RNASEH1: variants seen among roughly 807,000 people sequenced by gnomAD.
RNASEH1 encodes the protein ribonuclease H1, also known as ribonuclease H type II.
In RNASEH1, 27 loss-of-function variants were observed where a neutral mutation model predicts 34.6. The observed-to-expected ratio is 0.78, with a 90% CI of 0.58 to 1.08. RNASEH1 has a LOEUF of 1.08. RNASEH1 is among the 50% of genes least tolerant of loss of function. The pLI is 0.00. For missense variants in RNASEH1, 349 were observed against 373.6 expected (o/e 0.93, Z 0.54); for synonymous variants, 162 against 138.4 (o/e 1.17, Z -1.20).
chr2:3,557,027 G>A, intron 1 of RNASEH1, 123 bp from the exon 2 acceptor site: 3 of 692,140 alleles, frequency 4.3e-6, no homozygotes. Flanking sequence ...ATTCCAGGAA[G>A]TCCTCCACCC....
At position 3,544,559 on chromosome 2, in the gene RNASEH1, G is replaced by C. The variant is rs1341077377; in HGVS notation, c.*1226C>G. The stretch of plus-strand genomic sequence containing the variant: ...TCAGGATTACTTGTTGGGGCAAGGA[G>C]GGGGAGAAGAAGAGGGCTGTGGCTG... On this transcript the variant is annotated 3_prime_UTR_variant, in exon 8 of 8. Coordinates refer to ENST00000315212, the MANE Select transcript of RNASEH1 (RefSeq NM_002936.6). Among the ~76,000 whole-genome samples, 1 of 152,192 alleles carries C rather than the reference G, an allele frequency of 6.6e-6. No individual in the cohort carries two copies. Among genetic ancestry groups the C allele is most frequent in the African/African-American group, 2.4e-5 (1 of 41,448 alleles).
the RNASEH1 span, among the ~76,000 whole-genome samples, chr2:3,534,837 A>C: frequency 6.6e-6 from 1 of 152,222 alleles, no homozygotes; most frequent in South Asian, 2.1e-4. Flanking sequence ...GAAGGAAGGG[A>C]ATTCTCACAC....
intron 3 of RNASEH1, among the ~76,000 whole-genome samples, chr2:3,551,093 T>C (rs1341525803): frequency 6.6e-6 from 1 of 152,216 alleles, no homozygotes; most frequent in Non-Finnish European, 1.5e-5. Context: ...AGAGGTCAGG[T>C]TGCACAGTGT....
Position 3,556,800 on chromosome 2 carries a change from T to G in RNASEH1, c.233A>C (p.Glu78Ala), listed in dbSNP as rs1660548409. The change falls in exon 2 of 8, where the codon GAA becomes GCA. Residue 78 changes from glutamate (E) to alanine (A), a missense_variant. Coordinates refer to ENST00000315212, the MANE Select transcript of RNASEH1 (RefSeq NM_002936.6). ...TGAGAGGTGACTACCTTCTGAAACT[T>G]CCGGGCTTGCAGATTTCCTGACAAA... is the stretch of plus-strand genomic sequence containing the variant. ...WAFVRKSASPEVSEGHENQHG... is the reference protein window; with the variant it reads ...WAFVRKSASPAVSEGHENQHG... 1 of 1,612,758 alleles carries G rather than the reference T, an allele frequency of 6.2e-7. No homozygotes were observed. The highest frequency in any genetic ancestry group is 2.2e-5 in the East Asian group (1 of 44,882).
chr2:3,552,023 C>T (rs1364732101), intron 3 of RNASEH1, 121 bp downstream of exon 3: 41 of 730,602 alleles, frequency 5.6e-5, no homozygotes, highest in Non-Finnish European at 5.6e-5. Context: ...ATAATCTTTA[C>T]ACATAAGAAT....
chr2:3,538,352 C>CA (rs1309829501), downstream of RNASEH1, among the ~76,000 whole-genome samples: 1 of 150,926 alleles, frequency 6.6e-6, no homozygotes, highest in African/African-American at 2.4e-5. Flanking sequence ...AACTCCATCT[C>CA]AAAAAAATAT....
At chr2:3,537,838 G>A (rs571984251), downstream of RNASEH1, among the ~76,000 whole-genome samples, 7 of 151,902 alleles carry the variant, frequency 4.6e-5, no homozygotes, top group South Asian at 4.2e-4. Context: ...AGGAGTTCGC[G>A]ACCAGCTTGA....
At chr2:3,535,166 C>T in the RNASEH1 span, among the ~76,000 whole-genome samples, 1 of 152,070 alleles carries the variant, frequency 6.6e-6, no homozygotes, top group East Asian at 1.9e-4. Context: ...ACCTGTAAGC[C>T]CAGCACTTGG....
chr2:3,551,400 C>G (rs988970705), intron 3 of RNASEH1, among the ~76,000 whole-genome samples: 2 of 152,196 alleles, frequency 1.3e-5, no homozygotes, highest in African/African-American at 4.8e-5. Context: ...CAGCAATGGT[C>G]AGTGTCTGGA....
In RNASEH1 at chr2:3,558,312, C is replaced by T. The variant is rs749209439; in HGVS notation, c.-52G>A. The T allele has an allele frequency of 1.1e-5, 16 of 1,474,530 alleles. No individual in the cohort carries two copies. The South Asian group carries it at 2.0e-4, about 19-fold the overall frequency. The allele number at this position is 1,474,530 out of a possible 1,614,324, so 91.3% of individuals were successfully genotyped here. A position where few individuals can be genotyped will look rare whatever the true frequency, so the allele number is the denominator to read the frequency against. ...TTCGACTCCCGGCCCAGCGTGGGCG[C>T]GAGCCGCCGGCGCTCAACACCGCAC... On this transcript the variant is annotated 5_prime_UTR_variant, in exon 1 of 8. Coordinates refer to ENST00000315212, the MANE Select transcript of RNASEH1 (RefSeq NM_002936.6).
In RNASEH1 at chr2:3,549,076, G is replaced by A. The variant is rs1188991141; in HGVS notation, c.546C>T (p.Asn182=). ...VGIRLPGRQT[N]QRAEIHAACK... ...AACTTACATGAATTTCCGCTCTTTG[G>A]TTTGTCTGCCGCCCAGGAAGTCTAA... The change falls in exon 5 of 8, where the codon AAC becomes AAT. Residue 182 remains asparagine (N), a synonymous_variant. Transcript: ENST00000315212. 9 of 1,613,590 alleles carry A rather than the reference G, an allele frequency of 5.6e-6. No individual in the cohort carries two copies. Among genetic ancestry groups the A allele is most frequent in the Admixed American group, 1.7e-5 (1 of 59,994 alleles).
At chr2:3,538,645 C>T (rs1187476425), downstream of RNASEH1, among the ~76,000 whole-genome samples, 6 of 152,166 alleles carry the variant, frequency 3.9e-5, no homozygotes, top group South Asian at 6.2e-4. Context: ...GTTTATTCCA[C>T]GGCCGCTTCA....
the RNASEH1 span, among the ~76,000 whole-genome samples, chr2:3,535,007 G>T: frequency 6.6e-6 from 1 of 152,162 alleles, no homozygotes; most frequent in African/African-American, 2.4e-5. Flanking sequence ...TGGGGAGTCC[G>T]TGTCCAACAC....
intron 1 of RNASEH1, among the ~76,000 whole-genome samples, chr2:3,557,299 G>C (rs1213556169): frequency 6.6e-6 from 1 of 152,094 alleles, no homozygotes; most frequent in African/African-American, 2.4e-5. Flanking sequence ...GCGTGAAAAG[G>C]GCAGAGTCGC....
the RNASEH1 span, among the ~76,000 whole-genome samples, chr2:3,532,467 T>A: frequency 6.6e-6 from 1 of 152,124 alleles, no homozygotes. Flanking sequence ...ATCCCTTGAC[T>A]GGGATAGGTT....
rs1403253075 is a variant in RNASEH1 at position 3,541,721 on chromosome 2, C to CTA, written c.*4063_*4064insTA. 6.6e-6 allele frequency among the ~76,000 whole-genome samples: 1 copy of CTA among 152,192 alleles called. No individual in the cohort carries two copies. Among genetic ancestry groups the CTA allele is most frequent in the Non-Finnish European group, 1.5e-5 (1 of 68,026 alleles). ...GCCTGAACATGGAGGACACGAGGGACGGTTTAGACCGGGGTGTGAAACTGC... is the reference window on the plus strand; with the variant it reads ...GCCTGAACATGGAGGACACGAGGGACTAGGTTTAGACCGGGGTGTGAAACTGC... On this transcript the variant is annotated 3_prime_UTR_variant, in exon 8 of 8. Coordinates refer to ENST00000315212, the MANE Select transcript of RNASEH1 (RefSeq NM_002936.6).
chr2:3,533,846 C>T, the RNASEH1 span: 1 of 152,350 alleles, frequency 6.6e-6, no homozygotes, highest in African/African-American at 2.4e-5. Context: ...AAGCGTGGTC[C>T]CTCTGATAGT....
At chr2:3,532,898 C>T in the RNASEH1 span, among the ~76,000 whole-genome samples, 4 of 152,208 alleles carry the variant, frequency 2.6e-5, no homozygotes, top group African/African-American at 9.6e-5. Flanking sequence ...CACTAAGGGG[C>T]ATGGAGGCGC....
At chr2:3,532,123 G>C in the RNASEH1 span, 1 of 629,170 alleles carries the variant, frequency 1.6e-6, no homozygotes, top group East Asian at 2.8e-5. Context: ...GGGGAGTTTT[G>C]GGGAATGGAG....
Sources: gnomAD v4.1 joint callset for allele counts (sites outside exome capture counted in the v4.1 genomes callset) on GRCh38, gnomAD v4.1.1 for gene constraint, MANE v1.5 for transcripts, NCBI Gene and HGNC (gene_info 2026-07-23, HGNC 2026-07-21) for gene names.